The following OR56B1 variants were observed in gnomAD, a reference collection of about 807,000 sequenced individuals.
OR56B1 encodes olfactory receptor 56B1.
A neutral mutation model predicts 11.4 loss-of-function variants in OR56B1; 13 were observed. The observed-to-expected ratio is 1.14, with a 90% CI of 0.74 to 1.81. The LOEUF is 1.81. OR56B1 is among the 40% of genes most tolerant of loss of function. OR56B1 has a pLI of 0.00. For synonymous variants in OR56B1, 158 were observed against 143.6 expected, an observed-to-expected ratio of 1.10 and a Z score of -0.72; for missense variants, 434 against 379.3, an observed-to-expected ratio of 1.14 and a Z score of -1.20.
In OR56B1 at chr11:5,737,136, G is replaced by C; in HGVS notation, c.620G>C (p.Cys207Ser). 1 of 1,613,964 alleles carries C rather than the reference G, an allele frequency of 6.2e-7. No homozygotes were observed. The highest frequency in any genetic ancestry group is 1.1e-5 in the South Asian group (1 of 91,088). Residue 207 changes from cysteine (C) to serine (S), a missense_variant, in exon 1 of 1, where the codon TGC (cysteine) becomes TCC (serine). By Grantham distance (112) the Cys-to-Ser change is moderately radical. Transcript: ENST00000317121. Reference sequence around the variant, plus strand: ...GATGACAGGAGGCCAAACAGCATTTGCCAGTTGGTTCTGGCATGGCTTGGA... The same window carrying C: ...GATGACAGGAGGCCAAACAGCATTTCCCAGTTGGTTCTGGCATGGCTTGGA... ...ACDDRRPNSICQLVLAWLGMG... is the reference protein window; with the variant it reads ...ACDDRRPNSISQLVLAWLGMG...
rs757891171 is a variant in OR56B1, at chr11:5,737,144, G to A, written c.628G>A (p.Val210Ile). 6.2e-7 allele frequency: 1 copy of A among 1,613,998 alleles called. No individual in the cohort carries two copies. The highest frequency in any genetic ancestry group is 8.5e-7 in the Non-Finnish European group (1 of 1,179,984). ...DRRPNSICQL[V>I]LAWLGMGSDL... is the part of the protein sequence containing the mutation. ...GAGGCCAAACAGCATTTGCCAGTTGGTTCTGGCATGGCTTGGAATGGGGAG... is the reference window on the plus strand; with the variant it reads ...GAGGCCAAACAGCATTTGCCAGTTGATTCTGGCATGGCTTGGAATGGGGAG... The change falls in exon 1 of 1, where the codon GTT becomes ATT. Residue 210 changes from valine to isoleucine, a missense_variant. Physicochemically the swap from Val to Ile is conservative, Grantham distance 29 (BLOSUM62 3). Coordinates refer to ENST00000317121, the MANE Select transcript of OR56B1 (RefSeq NM_001005180.3).
In OR56B1 at chr11:5,736,637, G is replaced by C. The variant is rs1481961042; in HGVS notation, c.121G>C (p.Ala41Pro). Residue 41 changes from alanine (A) to proline (P), a missense_variant, in exon 1 of 1, where the codon GCA becomes CCA. By Grantham distance (27) the Ala-to-Pro change is conservative. Transcript: ENST00000317121. ...GCAACACTGGCTATCTCTGCCCCTGGCACTACTGTATCTCTCAGCACTTGC... is the reference window on the plus strand; with the variant it reads ...GCAACACTGGCTATCTCTGCCCCTGCCACTACTGTATCTCTCAGCACTTGC... ...SWQHWLSLPL[A>P]LLYLSALAAN... 6.2e-7 allele frequency: 1 copy of C among 1,613,950 alleles called. No homozygotes were observed. The highest frequency in any genetic ancestry group is 1.1e-5 in the South Asian group (1 of 91,066).
rs369203795 is a variant in OR56B1, at chr11:5,737,344, G to A, written c.828G>A (p.Lys276=). 2.0e-5 allele frequency: 32 copies of A among 1,613,922 alleles called. No homozygotes were observed. In the African/African-American group the frequency reaches 3.1e-4, roughly 15 times the overall value. Residue 276 remains lysine, a synonymous_variant, in exon 1 of 1, where the codon AAG becomes AAA. Coordinates refer to ENST00000317121, the MANE Select transcript of OR56B1 (RefSeq NM_001005180.3). ...VISVTHLTEM[K]ATLIPVLLNV... The stretch of plus-strand genomic sequence containing the variant: ...CAGTGACTCATCTGACAGAGATGAA[G>A]GCTACTTTGATTCCAGTTCTACTTA...
At position 5,736,468 on chromosome 11, in the gene OR56B1, G is replaced by C; in HGVS notation, c.-49G>C. On this transcript the variant is annotated 5_prime_UTR_variant, in exon 1 of 1. Coordinates refer to ENST00000317121, the MANE Select transcript of OR56B1 (RefSeq NM_001005180.3). ...TTTATTTCTGTGGTGGTTCCAACCT[G>C]TGATAACTGAGAACAATACAAATAG... The C allele has an allele frequency of 6.4e-7, 1 of 1,558,856 alleles. No individual in the cohort carries two copies. Among genetic ancestry groups the C allele is most frequent in the East Asian group, 2.3e-5 (1 of 44,444 alleles).
rs1304940789 is a variant in OR56B1, at chr11:5,737,503, A to G, written c.*12A>G. The G allele has an allele frequency of 1.9e-6, 3 of 1,595,418 alleles. No homozygotes were observed. The highest frequency in any genetic ancestry group is 4.5e-5 in the East Asian group (2 of 44,730). ...AAATAAGATCTTAGAGACCTTCTCC[A>G]TGATGTACATGAACCTCAGCTTCTC... is the stretch of plus-strand genomic sequence containing the variant. On this transcript the variant is annotated 3_prime_UTR_variant, in exon 1 of 1. Coordinates refer to ENST00000317121, the MANE Select transcript of OR56B1 (RefSeq NM_001005180.3).
At position 5,737,996 on chromosome 11, in the gene OR56B1, A is replaced by C. The variant is rs73406110; in HGVS notation, c.*505A>C. The C allele has an allele frequency of 4.2e-3, 655 of 156,264 alleles. 8 individuals carry two copies. The highest frequency in any genetic ancestry group is 0.015 in the African/African-American group (621 of 41,584). The allele number at this position is 156,264 out of a possible 1,614,324, so 9.7% of individuals were successfully genotyped here. A position where few individuals can be genotyped will look rare whatever the true frequency, so the allele number is the denominator to read the frequency against. ...TAATTCAGATAAAGCCAAATCAGTC[A>C]ATGATGAGGATTTATGTGGAATATG... On this transcript the variant is annotated 3_prime_UTR_variant, in exon 1 of 1. Coordinates refer to ENST00000317121, the MANE Select transcript of OR56B1 (RefSeq NM_001005180.3).
Position 5,737,357 on chromosome 11 carries a change from C to G in OR56B1, c.841C>G (p.Pro281Ala). Reference sequence around the variant, plus strand: ...GACAGAGATGAAGGCTACTTTGATTCCAGTTCTACTTAATGTGTTGCACAA... The same window carrying G: ...GACAGAGATGAAGGCTACTTTGATTGCAGTTCTACTTAATGTGTTGCACAA... Reference protein sequence around the residue: ...HLTEMKATLIPVLLNVLHNII... With the variant: ...HLTEMKATLIAVLLNVLHNII... Residue 281 changes from proline (P) to alanine (A), a missense_variant, in exon 1 of 1, where the codon CCA becomes GCA. Physicochemically the swap from Pro to Ala is conservative, Grantham distance 27. Coordinates refer to ENST00000317121, the MANE Select transcript of OR56B1 (RefSeq NM_001005180.3). 1.2e-6 allele frequency: 2 copies of G among 1,614,058 alleles called. No individual in the cohort carries two copies. Among genetic ancestry groups the G allele is most frequent in the South Asian group, 2.2e-5 (2 of 91,074 alleles).
At position 5,737,585 on chromosome 11, in the gene OR56B1, A is replaced by G; in HGVS notation, c.*94A>G. 8.6e-7 allele frequency: 1 copy of G among 1,166,928 alleles called. No individual in the cohort carries two copies. 72.3% of individuals were successfully genotyped at this position (1,166,928 alleles called of 1,614,324 possible). On this transcript the variant is annotated 3_prime_UTR_variant, in exon 1 of 1. Transcript: ENST00000317121. ...AAATGAGTAAGTGAATACCTTTGGG[A>G]TTCCCTTTTTATATTTGTATGTAAA...
chr11:5,737,031 C>T lies in OR56B1; in HGVS notation c.515C>T (p.Ala172Val). 6.2e-7 allele frequency: 1 copy of T among 1,613,910 alleles called. No homozygotes were observed. Among genetic ancestry groups the T allele is most frequent in the South Asian group, 1.1e-5 (1 of 91,086 alleles). ...TTTGTCACTCCAGTGCCTGTGCTTG[C>T]AGCACAGCGTGATTATTGCTCCAAG... is the stretch of plus-strand genomic sequence containing the variant. The part of the protein sequence containing the change: ...GLFVTPVPVL[A>V]AQRDYCSKNE... Residue 172 changes from alanine (A) to valine (V), a missense_variant, in exon 1 of 1, where the codon GCA becomes GTA. Coordinates refer to ENST00000317121, the MANE Select transcript of OR56B1 (RefSeq NM_001005180.3).
At position 5,737,786 on chromosome 11, in the gene OR56B1, C is replaced by T. The variant is rs7938793; in HGVS notation, c.*295C>T. 272 of 259,928 alleles carry T rather than the reference C, an allele frequency of 1.0e-3. No homozygotes were observed. The highest frequency in any genetic ancestry group is 4.3e-3 in the African/African-American group (196 of 45,448). 16.1% of individuals were successfully genotyped at this position (259,928 alleles called of 1,614,324 possible). ...TAAAATAAAAATGAATATAATCACACACCCACAAATACACACACAGACACA... is the reference window on the plus strand; with the variant it reads ...TAAAATAAAAATGAATATAATCACATACCCACAAATACACACACAGACACA... On this transcript the variant is annotated 3_prime_UTR_variant, in exon 1 of 1. Transcript: ENST00000317121.
In OR56B1 at chr11:5,736,959, C is replaced by T; in HGVS notation, c.443C>T (p.Ser148Phe). The T allele has an allele frequency of 1.9e-6, 3 of 1,614,104 alleles. No individual in the cohort carries two copies. The highest frequency in any genetic ancestry group is 2.5e-6 in the Non-Finnish European group (3 of 1,179,992). Residue 148 changes from serine (S) to phenylalanine (F), a missense_variant, in exon 1 of 1, where the codon TCC (serine) becomes TTC (phenylalanine). Coordinates refer to ENST00000317121, the MANE Select transcript of OR56B1 (RefSeq NM_001005180.3). ...PLRYPSIVTS[S>F]LILKATLFMV... ...CGCTATCCATCAATTGTCACCAGTT[C>T]CTTAATCTTAAAAGCTACCCTGTTC...
rs1853941854 is a variant in OR56B1 at position 5,737,437 on chromosome 11, T to C, written c.921T>C (p.Leu307=). 1.2e-6 allele frequency: 2 copies of C among 1,613,842 alleles called. No individual in the cohort carries two copies. The highest frequency in any genetic ancestry group is 2.2e-5 in the South Asian group (2 of 91,076). ...PTVYALQTKE[L]RAAFQKVLFA... is the part of the protein sequence containing the mutation. ...TTTATGCACTTCAGACCAAAGAACT[T>C]AGGGCAGCCTTCCAAAAGGTGCTGT... Residue 307 remains leucine (L), a synonymous_variant, in exon 1 of 1, where the codon CTT becomes CTC. Coordinates refer to ENST00000317121, the MANE Select transcript of OR56B1 (RefSeq NM_001005180.3).
chr11:5,737,063 A>G lies in OR56B1; in HGVS notation c.547A>G (p.Ile183Val), dbSNP rs1853930220. ...AQRDYCSKNE[I>V]EHCLCSNLGV... ...GCGTGATTATTGCTCCAAGAATGAAATTGAACACTGCCTGTGCTCTAACCT... is the reference window on the plus strand; with the variant it reads ...GCGTGATTATTGCTCCAAGAATGAAGTTGAACACTGCCTGTGCTCTAACCT... Residue 183 changes from isoleucine to valine, a missense_variant, in exon 1 of 1, where the codon ATT becomes GTT. Coordinates refer to ENST00000317121, the MANE Select transcript of OR56B1 (RefSeq NM_001005180.3). 1.2e-6 allele frequency: 2 copies of G among 1,614,004 alleles called. No individual in the cohort carries two copies. The highest frequency in any genetic ancestry group is 2.7e-5 in the African/African-American group (2 of 74,938).
At position 5,736,602 on chromosome 11, in the gene OR56B1, TTCAC is replaced by T; in HGVS notation, c.87_90del (p.His30AlafsTer48). On this transcript the variant is annotated frameshift_variant, in exon 1 of 1. Coordinates refer to ENST00000317121, the MANE Select transcript of OR56B1 (RefSeq NM_001005180.3). LOFTEE classifies it low-confidence loss of function (END_TRUNC). The stretch of plus-strand genomic sequence containing the variant: ...TTCATCCTGCTGGGATTCCCGGGCA[TTCAC>T]AGCTGGCAACACTGGCTATCTCTGC... 1 of 1,614,000 alleles carries T rather than the reference TTCAC, an allele frequency of 6.2e-7. No homozygotes were observed.
rs754913199 is a variant in OR56B1, at chr11:5,737,529, C to T, written c.*38C>T. The T allele has an allele frequency of 4.5e-6, 7 of 1,555,356 alleles. No homozygotes were observed. The African/African-American group carries it at 9.6e-5, about 21-fold the overall frequency. On this transcript the variant is annotated 3_prime_UTR_variant, in exon 1 of 1. Transcript: ENST00000317121. Reference sequence around the variant, plus strand: ...TGATGTACATGAACCTCAGCTTCTCCTAAACTGGATAGTAAAATTTCAAAG... The same window carrying T: ...TGATGTACATGAACCTCAGCTTCTCTTAAACTGGATAGTAAAATTTCAAAG...
rs779609019 is a variant in OR56B1, at chr11:5,737,621, A to C, written c.*130A>C. 2.4e-6 allele frequency: 2 copies of C among 819,458 alleles called. No individual in the cohort carries two copies. Among genetic ancestry groups the C allele is most frequent in the African/African-American group, 1.7e-5 (1 of 58,870 alleles). The allele number at this position is 819,458 out of a possible 1,614,324, so 50.8% of individuals were successfully genotyped here. ...ATATTTGTATGTAAATAATTGTGAAAGCTTCAGAAAAGATACAAAAAATCA... is the reference window on the plus strand; with the variant it reads ...ATATTTGTATGTAAATAATTGTGAACGCTTCAGAAAAGATACAAAAAATCA... On this transcript the variant is annotated 3_prime_UTR_variant, in exon 1 of 1. Coordinates refer to ENST00000317121, the MANE Select transcript of OR56B1 (RefSeq NM_001005180.3).
In OR56B1 at chr11:5,736,778, C is replaced by G. The variant is rs1255409068; in HGVS notation, c.262C>G (p.Pro88Ala). 8.1e-6 allele frequency: 13 copies of G among 1,614,022 alleles called. No individual in the cohort carries two copies. Among genetic ancestry groups the G allele is most frequent in the Non-Finnish European group, 1.1e-5 (13 of 1,179,992 alleles). Residue 88 changes from proline to alanine, a missense_variant, in exon 1 of 1, where the codon CCT becomes GCT. Transcript: ENST00000317121. ...CATGGGTCTGGCCACTACTATCATC[C>G]CTAAGATCCTGGCCATCTTCTGGTT... ...VDMGLATTIIPKILAIFWFDA... is the reference protein window; with the variant it reads ...VDMGLATTIIAKILAIFWFDA...
In OR56B1 at chr11:5,736,881, G is replaced by T; in HGVS notation, c.365G>T (p.Gly122Val). ...CACTTCTTTGTGGGCATGGAGTCTG[G>T]TATCCTACTCTGCATGGCTTTTGAT... is the stretch of plus-strand genomic sequence containing the variant. ...AIHFFVGMESGILLCMAFDRY... is the reference protein window; with the variant it reads ...AIHFFVGMESVILLCMAFDRY... Residue 122 changes from glycine to valine, a missense_variant, in exon 1 of 1, where the codon GGT (glycine) becomes GTT (valine). Physicochemically the swap from Gly to Val is moderately radical, Grantham distance 109. Transcript: ENST00000317121. The T allele has an allele frequency of 6.2e-7, 1 of 1,613,970 alleles. No homozygotes were observed. Among genetic ancestry groups the T allele is most frequent in the Non-Finnish European group, 8.5e-7 (1 of 1,179,974 alleles).
At position 5,736,608 on chromosome 11, in the gene OR56B1, G is replaced by T; in HGVS notation, c.92G>T (p.Ser31Ile). The T allele has an allele frequency of 6.2e-7, 1 of 1,614,004 alleles. No homozygotes were observed. The highest frequency in any genetic ancestry group is 8.5e-7 in the Non-Finnish European group (1 of 1,179,980). ...FILLGFPGIH[S>I]WQHWLSLPLA... Reference sequence around the variant, plus strand: ...CTGCTGGGATTCCCGGGCATTCACAGCTGGCAACACTGGCTATCTCTGCCC... The same window carrying T: ...CTGCTGGGATTCCCGGGCATTCACATCTGGCAACACTGGCTATCTCTGCCC... Residue 31 changes from serine to isoleucine, a missense_variant, in exon 1 of 1, where the codon AGC (serine) becomes ATC (isoleucine). Physicochemically the swap from Ser to Ile is moderately radical, Grantham distance 142 (BLOSUM62 -2). Coordinates refer to ENST00000317121, the MANE Select transcript of OR56B1 (RefSeq NM_001005180.3).
Sources: allele counts gnomAD v4.1 joint callset, GRCh38; gene constraint gnomAD v4.1.1; transcripts MANE v1.5; gene names NCBI Gene and HGNC (gene_info 2026-07-23, HGNC 2026-07-21).